Variants in GPC3 observed in about 807,000 individuals in gnomAD.
GPC3 encodes the protein glypican 3.
Under a neutral mutation model 34.4 loss-of-function variants are expected in GPC3, and 3 were observed. The observed-to-expected ratio is 0.09, with a 90% CI of 0.04 to 0.23. The LOEUF is 0.23. Among genes scored for constraint, GPC3 ranks in the 10% least tolerant of loss-of-function variants. GPC3 has a pLI of 1.00. For synonymous variants in GPC3, 177 were observed against 174.0 expected, an observed-to-expected ratio of 1.02 and a Z score of -0.13; for missense variants, 351 against 445.6, an observed-to-expected ratio of 0.79 and a Z score of 1.91.
intron 6 of GPC3, among the ~76,000 whole-genome samples, chrX:133,640,397 A>G (rs927117341): frequency 1.8e-5 from 2 of 111,564 alleles, no homozygotes; most frequent in Admixed American, 9.5e-5. Context: ...TTCTCTAACA[A>G]CTGTGATGTC....
At chrX:133,794,745 C>T (rs1223606247) in intron 2 of GPC3, among the ~76,000 whole-genome samples, 1 of 111,975 alleles carries the variant, frequency 8.9e-6, no homozygotes, top group Admixed American at 9.4e-5. Context: ...AACAGGTTGG[C>T]TACTAAGTGG....
intron 7 of GPC3, among the ~76,000 whole-genome samples, chrX:133,549,948 TC>T (rs1569379589): frequency 9.6e-6 from 1 of 104,676 alleles, no homozygotes; most frequent in Non-Finnish European, 2.0e-5. Flanking sequence ...CTCTCCTTCC[TC>T]CCCCCTCTGT....
chrX:133,837,409 T>C (rs371089203), intron 2 of GPC3, among the ~76,000 whole-genome samples: 7 of 112,221 alleles, frequency 6.2e-5, no homozygotes, highest in African/African-American at 2.3e-4. Flanking sequence ...TGGACTCATA[T>C]GAAATACATG....
chrX:133,676,924 C>T (rs1263306914), intron 5 of GPC3, among the ~76,000 whole-genome samples: 1 of 110,348 alleles, frequency 9.1e-6, no homozygotes, highest in African/African-American at 3.3e-5. Flanking sequence ...TTAACCTGCC[C>T]TTCAGCCCTT....
intron 2 of GPC3, among the ~76,000 whole-genome samples, chrX:133,774,679 T>C (rs1005130280): frequency 8.9e-6 from 1 of 111,885 alleles, no homozygotes; most frequent in African/African-American, 3.2e-5. Flanking sequence ...TATCTCCTTT[T>C]ATTCTCACAA....
At chrX:133,627,237 A>T in intron 6 of GPC3, among the ~76,000 whole-genome samples, 1 of 108,127 alleles carries the variant, frequency 9.2e-6, no homozygotes, top group Non-Finnish European at 1.9e-5. Context: ...TGGGTGCAGC[A>T]CACCAACATG....
intron 5 of GPC3, among the ~76,000 whole-genome samples, chrX:133,674,525 A>C (rs1371298777): frequency 9.8e-5 from 11 of 111,703 alleles, no homozygotes; most frequent in Non-Finnish European, 2.1e-4. Flanking sequence ...ACTTTTTAGC[A>C]GAGGTGCCCT....
At chrX:133,786,137 A>T (rs1428695232) in intron 2 of GPC3, among the ~76,000 whole-genome samples, 1 of 112,665 alleles carries the variant, frequency 8.9e-6, no homozygotes, top group Non-Finnish European at 1.9e-5. Context: ...TCACGCCTGT[A>T]ATCCCAACAC....
chrX:133,855,549 A>ATATATATATATAT (rs1569445704), intron 2 of GPC3, among the ~76,000 whole-genome samples: 8 of 105,908 alleles, frequency 7.6e-5, no homozygotes, highest in African/African-American at 1.4e-4. Flanking sequence ...ATATATATAT[A>ATATATATATATAT]GTAAAATGGT....
intron 6 of GPC3, among the ~76,000 whole-genome samples, chrX:133,646,210 C>T (rs1023901085): frequency 9.0e-6 from 1 of 110,569 alleles, no homozygotes; most frequent in Non-Finnish European, 1.9e-5. Context: ...ACTAGGGCAA[C>T]GACATGGGGA....
At chrX:133,839,531 T>C (rs944344239) in intron 2 of GPC3, among the ~76,000 whole-genome samples, 2 of 111,415 alleles carry the variant, frequency 1.8e-5, no homozygotes, top group South Asian at 3.8e-4. Context: ...AGAGGGCGTT[T>C]GGGTGAAAGC....
chrX:133,645,918 G>C (rs1039614910), intron 6 of GPC3, among the ~76,000 whole-genome samples: 1 of 110,921 alleles, frequency 9.0e-6, no homozygotes, highest in Non-Finnish European at 1.9e-5. Context: ...CATGGCATAA[G>C]TGGGAGTCAG....
At chrX:133,777,856 G>A (rs949123043) in intron 2 of GPC3, among the ~76,000 whole-genome samples, 3 of 111,453 alleles carry the variant, frequency 2.7e-5, no homozygotes, top group Non-Finnish European at 5.6e-5. Context: ...ATCAAAGCTC[G>A]TCAATTCACA....
intron 2 of GPC3, among the ~76,000 whole-genome samples, chrX:133,848,901 G>A (rs2075858694): frequency 9.1e-6 from 1 of 110,305 alleles, no homozygotes; most frequent in Non-Finnish European, 1.9e-5. Flanking sequence ...GTGAGTACAG[G>A]CAATGACAGT....
intron 2 of GPC3, among the ~76,000 whole-genome samples, chrX:133,943,170 T>C (rs2076351959): frequency 8.9e-6 from 1 of 112,228 alleles, no homozygotes; most frequent in African/African-American, 3.2e-5. Flanking sequence ...CCAAGCAATA[T>C]GGTATACATG....
intron 6 of GPC3, among the ~76,000 whole-genome samples, chrX:133,620,518 A>G (rs1320820813): frequency 9.0e-6 from 1 of 111,135 alleles, no homozygotes; most frequent in Non-Finnish European, 1.9e-5. Flanking sequence ...ATAAAATTCT[A>G]AGGCCCCTCA....
chrX:133,981,481 T>C (rs780799271), intron 1 of GPC3, among the ~76,000 whole-genome samples: 1 of 112,440 alleles, frequency 8.9e-6, no homozygotes, highest in Non-Finnish European at 1.9e-5. Flanking sequence ...AGGATTCGTG[T>C]ACTATTCAGA....
chrX:133,538,030 T>C (rs182568928), intron 7 of GPC3, among the ~76,000 whole-genome samples: 97 of 111,101 alleles, frequency 8.7e-4, no homozygotes, highest in African/African-American at 2.9e-3. Flanking sequence ...AAGCAGAGAG[T>C]TTTTCTTCCT....
chrX:133,961,036 C>T (rs1329295204), intron 1 of GPC3, among the ~76,000 whole-genome samples: 2 of 112,188 alleles, frequency 1.8e-5, no homozygotes, highest in Non-Finnish European at 3.8e-5. Context: ...ATCTAAACCA[C>T]ATCTTACATG....
Sources: gnomAD v4.1 joint callset for allele counts (sites outside exome capture counted in the v4.1 genomes callset) on GRCh38, gnomAD v4.1.1 for gene constraint, MANE v1.5 for transcripts, NCBI Gene and HGNC (gene_info 2026-07-23, HGNC 2026-07-21) for gene names.